Variants in GALNT1 observed in about 807,000 individuals in gnomAD.
GALNT1 encodes the protein polypeptide N-acetylgalactosaminyltransferase 1, also known as GalNAc transferase 1.
GALNT1 carries 17 observed loss-of-function variants against 65.7 expected under a neutral mutation model. The observed-to-expected ratio is 0.26, with a 90% CI of 0.18 to 0.39. The LOEUF is 0.39. Among genes scored for constraint, GALNT1 ranks in the 10% least tolerant of loss-of-function variants. The pLI is 1.00. For missense variants in GALNT1, 460 were observed against 672.8 expected (o/e 0.68, Z 3.50); for synonymous variants, 210 against 219.7 (o/e 0.96, Z 0.39).
chr18:35,680,209 C>T (rs1054628537), intron 4 of GALNT1, among the ~76,000 whole-genome samples: 1 of 152,146 alleles, frequency 6.6e-6, no homozygotes, highest in African/African-American at 2.4e-5. Flanking sequence ...TTTGTTCCCT[C>T]TCCCTGGAAC....
intron 1 of GALNT1, among the ~76,000 whole-genome samples, chr18:35,650,872 C>G (rs528092156): frequency 6.6e-6 from 1 of 152,052 alleles, no homozygotes; most frequent in Non-Finnish European, 1.5e-5. Context: ...GACATTCATT[C>G]TCAGCTTAAG....
chr18:35,659,801 G>A (rs540307299), intron 2 of GALNT1: 1 of 152,232 alleles, frequency 6.6e-6, no homozygotes, highest in South Asian at 2.1e-4. Context: ...AATATTACTA[G>A]TAAAGGCTAT....
chr18:35,607,114 C>T (rs1398885640), intron 1 of GALNT1, among the ~76,000 whole-genome samples: 3 of 152,072 alleles, frequency 2.0e-5, no homozygotes, highest in African/African-American at 4.8e-5. Context: ...GGCCACTCTG[C>T]CCTCTTCCTG....
At chr18:35,671,104 CT>C (rs199882024) in intron 3 of GALNT1, among the ~76,000 whole-genome samples, 27 of 151,506 alleles carry the variant, frequency 1.8e-4, no homozygotes, top group Admixed American at 6.6e-4. Context: ...GATGGCTGGA[CT>C]TTTTTTTTCT....
intron 1 of GALNT1, among the ~76,000 whole-genome samples, chr18:35,623,191 C>A (rs922654720): frequency 6.6e-6 from 1 of 152,150 alleles, no homozygotes; most frequent in Non-Finnish European, 1.5e-5. Context: ...CATCTGGTGT[C>A]ATTTCCCTTT....
chr18:35,703,090 C>T (rs2048192691), intron 10 of GALNT1, 95 bp downstream of exon 10: 3 of 676,800 alleles, frequency 4.4e-6, no homozygotes, highest in African/African-American at 3.7e-5. Context: ...GAAATATTTT[C>T]CTTCCTTTAA....
intron 9 of GALNT1, among the ~76,000 whole-genome samples, chr18:35,695,655 G>A (rs2048043892): frequency 6.6e-6 from 1 of 152,178 alleles, no homozygotes; most frequent in Admixed American, 6.6e-5. Context: ...CTTCAGGATT[G>A]ACTTGAGCTC....
At chr18:35,648,789 T>C (rs2047270549) in intron 1 of GALNT1, among the ~76,000 whole-genome samples, 1 of 152,226 alleles carries the variant, frequency 6.6e-6, no homozygotes, top group African/African-American at 2.4e-5. Flanking sequence ...TTAGGTTCAG[T>C]TGTATAAGTT....
At chr18:35,603,233 C>G (rs1323714788) in intron 1 of GALNT1, among the ~76,000 whole-genome samples, 1 of 152,096 alleles carries the variant, frequency 6.6e-6, no homozygotes, top group Non-Finnish European at 1.5e-5. Context: ...TTCACCTTGA[C>G]CTCACTTTTT....
chr18:35,586,415 G>A (rs985829386), intron 1 of GALNT1, among the ~76,000 whole-genome samples: 1 of 152,120 alleles, frequency 6.6e-6, no homozygotes, highest in African/African-American at 2.4e-5. Flanking sequence ...CTTTTGCAGA[G>A]CAAAAGTTTT....
intron 7 of GALNT1, 62 bp downstream of exon 7, chr18:35,689,352 A>G: frequency 1.1e-6 from 1 of 903,000 alleles, no homozygotes; most frequent in Non-Finnish European, 1.8e-6. Context: ...TGCATTGATT[A>G]TTCATGTATC....
intron 9 of GALNT1, among the ~76,000 whole-genome samples, chr18:35,699,636 A>T (rs2048122418): frequency 6.6e-6 from 1 of 152,140 alleles, no homozygotes; most frequent in Non-Finnish European, 1.5e-5. Flanking sequence ...ACTTCAAAAT[A>T]CCCCTTATCA....
At chr18:35,622,590 A>C (rs2046867018) in intron 1 of GALNT1, among the ~76,000 whole-genome samples, 1 of 152,200 alleles carries the variant, frequency 6.6e-6, no homozygotes, top group African/African-American at 2.4e-5. Flanking sequence ...GAAGACGTCA[A>C]CTGAATTTTG....
intron 3 of GALNT1, among the ~76,000 whole-genome samples, chr18:35,674,532 C>T (rs972846494): frequency 1.3e-5 from 2 of 152,174 alleles, no homozygotes; most frequent in African/African-American, 4.8e-5. Context: ...CCTGCAGCAC[C>T]TTCTACCTAC....
At chr18:35,642,962 G>A (rs56053981) in intron 1 of GALNT1, among the ~76,000 whole-genome samples, 2,406 of 152,044 alleles carry the variant, frequency 0.016, 31 homozygotes, top group African/African-American at 0.028. Context: ...CCATGTCGGG[G>A]GCAGTGTGAC....
intron 1 of GALNT1, among the ~76,000 whole-genome samples, chr18:35,592,634 C>A (rs1489975909): frequency 6.6e-6 from 1 of 152,068 alleles, no homozygotes; most frequent in East Asian, 1.9e-4. Flanking sequence ...TGATTTTAAG[C>A]AGATCACCCC....
At chr18:35,583,078 A>C (rs2046341573) in intron 1 of GALNT1, among the ~76,000 whole-genome samples, 2 of 152,186 alleles carry the variant, frequency 1.3e-5, no homozygotes, top group African/African-American at 4.8e-5. Flanking sequence ...CACAGTTTTA[A>C]GTTCTGGGTA....
At chr18:35,679,360 G>GT (rs2047755633) in intron 4 of GALNT1, among the ~76,000 whole-genome samples, 1 of 152,108 alleles carries the variant, frequency 6.6e-6, no homozygotes, top group Non-Finnish European at 1.5e-5. Flanking sequence ...CTCTCGTTCT[G>GT]TGAATGCCCA....
At chr18:35,642,894 G>A (rs56367526) in intron 1 of GALNT1, among the ~76,000 whole-genome samples, 2,402 of 152,068 alleles carry the variant, frequency 0.016, 30 homozygotes, top group African/African-American at 0.028. Flanking sequence ...AGGGTGCTCT[G>A]CCACTCATCT....
Sources: gnomAD v4.1 joint callset for allele counts (sites outside exome capture counted in the v4.1 genomes callset) on GRCh38, gnomAD v4.1.1 for gene constraint, MANE v1.5 for transcripts, NCBI Gene and HGNC (gene_info 2026-07-23, HGNC 2026-07-21) for gene names.